Variants in NR6A1 observed in about 807,000 individuals in gnomAD.
NR6A1 encodes the protein retinoic acid receptor-related testis-associated receptor.
In NR6A1, 7 loss-of-function variants were observed where a neutral mutation model predicts 59.1. The ratio of observed to expected loss-of-function variants is 0.12; its 90% CI spans 0.07 to 0.22. The LOEUF (loss-of-function observed/expected upper bound fraction) is 0.22, where lower values mean the gene tolerates loss of function less well. Among genes scored for constraint, NR6A1 ranks in the 10% least tolerant of loss-of-function variants. NR6A1 has a pLI of 1.00. For synonymous variants in NR6A1, 243 were observed against 236.1 expected (o/e 1.03, Z -0.27); for missense variants, 468 against 611.6 (o/e 0.77, Z 2.48).
chr9:124,571,930 A>G (rs1166755526), intron 2 of NR6A1, among the ~76,000 whole-genome samples: 1 of 152,214 alleles, frequency 6.6e-6, no homozygotes, highest in Non-Finnish European at 1.5e-5. Context: ...CATAAAAAAA[A>G]AAAATTGACT....
intron 2 of NR6A1, among the ~76,000 whole-genome samples, chr9:124,657,876 C>T (rs889134933): frequency 6.6e-5 from 10 of 152,138 alleles, no homozygotes; most frequent in African/African-American, 1.9e-4. Context: ...TCTCTGTTGT[C>T]CATCTATCCA....
intron 3 of NR6A1, among the ~76,000 whole-genome samples, chr9:124,547,940 T>C (rs1833649149): frequency 6.6e-6 from 1 of 152,144 alleles, no homozygotes; most frequent in Non-Finnish European, 1.5e-5. Context: ...AAAAATTGAA[T>C]AAGATCTGCT....
chr9:124,589,459 CAAAAAAT>C (rs1471342480), intron 2 of NR6A1, among the ~76,000 whole-genome samples: 3 of 150,992 alleles, frequency 2.0e-5, no homozygotes, highest in African/African-American at 7.4e-5. Flanking sequence ...AACAAACAAA[CAAAAAAT>C]AAAAAATAAA....
chr9:124,596,308 G>C (rs541101240), intron 2 of NR6A1, among the ~76,000 whole-genome samples: 3 of 152,150 alleles, frequency 2.0e-5, no homozygotes, highest in South Asian at 2.1e-4. Flanking sequence ...GGTTTTTCTG[G>C]GGGGTATGGG....
chr9:124,536,063 C>A lies in NR6A1; in HGVS notation c.894G>T (p.Gln298His). 6.2e-7 allele frequency: 1 copy of A among 1,614,208 alleles called. No individual in the cohort carries two copies. Among genetic ancestry groups the A allele is most frequent in the Non-Finnish European group, 8.5e-7 (1 of 1,180,040 alleles). Reference sequence around the variant, plus strand: ...AAGGCAGTTTCTTGATCCAGGCAATCTGCCTAAAGAGCAGCTCGTCGGCCA... The same window carrying A: ...AAGGCAGTTTCTTGATCCAGGCAATATGCCTAAAGAGCAGCTCGTCGGCCA... ...CRLADELLFRQIAWIKKLPFF... is the reference protein window; with the variant it reads ...CRLADELLFRHIAWIKKLPFF... The change falls in exon 7 of 10, where the codon CAG (glutamine) becomes CAT (histidine). Residue 298 changes from glutamine to histidine, a missense_variant. Transcript: ENST00000487099.
intron 2 of NR6A1, among the ~76,000 whole-genome samples, chr9:124,584,385 T>C (rs1356045642): frequency 2.0e-5 from 3 of 152,092 alleles, no homozygotes; most frequent in African/African-American, 4.8e-5. Flanking sequence ...GATTACAGTG[T>C]GAGCCACCGC....
At chr9:124,567,074 C>T (rs546361373) in intron 2 of NR6A1, among the ~76,000 whole-genome samples, 1 of 150,858 alleles carries the variant, frequency 6.6e-6, no homozygotes, top group Non-Finnish European at 1.5e-5. Flanking sequence ...CGCCACTGCA[C>T]TCCAGCCTGG....
At chr9:124,652,365 A>C (rs960035167) in intron 2 of NR6A1, among the ~76,000 whole-genome samples, 2 of 152,152 alleles carry the variant, frequency 1.3e-5, no homozygotes, top group African/African-American at 4.8e-5. Flanking sequence ...TTTCTCTCCT[A>C]ATCTCATTAC....
intron 2 of NR6A1, among the ~76,000 whole-genome samples, chr9:124,622,717 T>C (rs1231149360): frequency 6.6e-6 from 1 of 151,922 alleles, no homozygotes; most frequent in Non-Finnish European, 1.5e-5. Context: ...AGAAACAGGT[T>C]TTGGGAATGG....
chr9:124,553,913 C>CGTCT (rs1833855538), intron 3 of NR6A1, among the ~76,000 whole-genome samples: 1 of 152,182 alleles, frequency 6.6e-6, no homozygotes, highest in Non-Finnish European at 1.5e-5. Flanking sequence ...CCAACCTAGA[C>CGTCT]ACAGACTTCT....
intron 1 of NR6A1, among the ~76,000 whole-genome samples, chr9:124,758,884 GT>G (rs1840710156): frequency 6.6e-6 from 1 of 152,162 alleles, no homozygotes. Context: ...GCAACTTCCT[GT>G]TTTGCCCAAT....
In NR6A1 at chr9:124,764,183, C is replaced by CA. The variant is rs199757295; in HGVS notation, c.100+6836dup. Among the ~76,000 whole-genome samples the CA allele has an allele frequency of 7.5e-3, 883 of 117,616 alleles. 8 individuals are homozygous for CA. Among genetic ancestry groups the CA allele is most frequent in the African/African-American group, 0.018 (623 of 34,024 alleles). 77.2% of individuals were successfully genotyped at this position (117,616 alleles called of 152,430 possible). ...TGGGCAACAGAGTGAGACTCCATCA[C>CA]AAAAAAAAAAAAAAGAAAAGAAAAA... On this transcript the variant is annotated intron_variant, in intron 1 of 9. Coordinates refer to ENST00000487099, the MANE Select transcript of NR6A1 (RefSeq NM_033334.4).
At chr9:124,623,723 T>C (rs1836150033) in intron 2 of NR6A1, among the ~76,000 whole-genome samples, 1 of 152,112 alleles carries the variant, frequency 6.6e-6, no homozygotes, top group African/African-American at 2.4e-5. Flanking sequence ...GAATATTTAG[T>C]GAGGGAAGCC....
chr9:124,582,318 G>C (rs1377641893), intron 2 of NR6A1, among the ~76,000 whole-genome samples: 1 of 152,140 alleles, frequency 6.6e-6, no homozygotes, highest in Non-Finnish European at 1.5e-5. Flanking sequence ...CATGCGAACA[G>C]AAAACCAAAT....
chr9:124,525,003 TCTC>T, intron 8 of NR6A1, 130 bp from the exon 9 acceptor site: 2 of 1,058,360 alleles, frequency 1.9e-6, no homozygotes, highest in Non-Finnish European at 2.6e-6. Context: ...CAACAGGAGA[TCTC>T]CTCTGATAGG....
intron 2 of NR6A1, among the ~76,000 whole-genome samples, chr9:124,668,752 TA>T (rs1837702302): frequency 6.6e-6 from 1 of 152,216 alleles, no homozygotes; most frequent in Non-Finnish European, 1.5e-5. Context: ...TGAACACACT[TA>T]TACAGAAATC....
intron 2 of NR6A1, among the ~76,000 whole-genome samples, chr9:124,615,860 A>C (rs1835874262): frequency 6.6e-6 from 1 of 151,956 alleles, no homozygotes; most frequent in Admixed American, 6.6e-5. Context: ...TTTGAGACAG[A>C]GTCTCGCTCT....
intron 1 of NR6A1, among the ~76,000 whole-genome samples, chr9:124,755,198 TATTTCAGAGATCTC>T (rs1564268965): frequency 2.0e-5 from 3 of 151,618 alleles, no homozygotes; most frequent in African/African-American, 7.3e-5. Context: ...GGCAAAAGAG[TATTTCAGAGATCTC>T]ATTTTATTTA....
At chr9:124,595,795 C>T in intron 2 of NR6A1, 1 of 1,289,690 alleles carries the variant, frequency 7.8e-7, no homozygotes, top group South Asian at 1.2e-5. Context: ...CTGAAAAGTT[C>T]TATTGCAGCC....
Sources: allele counts gnomAD v4.1 joint callset (sites outside exome capture counted in the v4.1 genomes callset), GRCh38; gene constraint gnomAD v4.1.1; transcripts MANE v1.5; gene names NCBI Gene and HGNC (gene_info 2026-07-23, HGNC 2026-07-21).